PCNX2: variants seen among roughly 807,000 people sequenced by gnomAD.
PCNX2 encodes pecanex-like protein 2.
A neutral mutation model predicts 223.8 loss-of-function variants in PCNX2; 168 were observed. That is an observed-to-expected ratio of 0.75 (90% CI 0.66 to 0.85). PCNX2 has a LOEUF of 0.85. PCNX2 is among the 40% of genes least tolerant of loss of function. PCNX2 has a pLI of 0.00. For synonymous variants in PCNX2, 1,006 were observed against 1,052.6 expected (o/e 0.96, Z 0.86); for missense variants, 2,507 against 2,675.5 (o/e 0.94, Z 1.39).
chr1:233,047,129 C>T (rs2102866436), intron 25 of PCNX2, among the ~76,000 whole-genome samples: 1 of 152,294 alleles, frequency 6.6e-6, no homozygotes, highest in Admixed American at 6.5e-5. Flanking sequence ...GGCTCATCTA[C>T]CTGCTGAATG....
At chr1:233,306,399 A>T in the PCNX2 span, among the ~76,000 whole-genome samples, 1 of 152,214 alleles carries the variant, frequency 6.6e-6, no homozygotes, top group Non-Finnish European at 1.5e-5. Flanking sequence ...GGGCAACAAC[A>T]TGTAGATATC....
intron 9 of PCNX2, among the ~76,000 whole-genome samples, chr1:233,234,908 T>TGG (rs1658294007): frequency 6.6e-6 from 1 of 151,904 alleles, no homozygotes; most frequent in Admixed American, 6.6e-5. Flanking sequence ...GGGGTGGGGC[T>TGG]GGGCAGAGCT....
At chr1:233,162,922 G>A (rs1678577734) in intron 17 of PCNX2, among the ~76,000 whole-genome samples, 4 of 152,148 alleles carry the variant, frequency 2.6e-5, no homozygotes. Flanking sequence ...CTGCTGGAGT[G>A]GGGAGGAAGG....
At chr1:233,308,892 T>G in the PCNX2 span, among the ~76,000 whole-genome samples, 1 of 152,110 alleles carries the variant, frequency 6.6e-6, no homozygotes, top group Non-Finnish European at 1.5e-5. Context: ...ACAAAATATG[T>G]TGGTAATATC....
At chr1:233,043,877 T>C (rs554880316) in intron 25 of PCNX2, among the ~76,000 whole-genome samples, 4,475 of 151,696 alleles carry the variant, frequency 0.029, 213 homozygotes, top group African/African-American at 0.1. Context: ...TATGTGTGCA[T>C]GTGTCTTTAT....
At chr1:233,045,845 G>C (rs1243732278) in intron 25 of PCNX2, among the ~76,000 whole-genome samples, 4 of 152,214 alleles carry the variant, frequency 2.6e-5, no homozygotes, top group Non-Finnish European at 5.9e-5. Context: ...CCAGTGTCTG[G>C]ATTCAACAGC....
the PCNX2 span, among the ~76,000 whole-genome samples, chr1:233,323,403 C>T: frequency 6.6e-6 from 1 of 152,214 alleles, no homozygotes; most frequent in East Asian, 1.9e-4. Flanking sequence ...CTCCTGTATA[C>T]AGGCATGCTT....
chr1:233,024,367 C>T (rs1008435660), intron 26 of PCNX2, among the ~76,000 whole-genome samples: 3 of 152,208 alleles, frequency 2.0e-5, no homozygotes, highest in Admixed American at 6.5e-5. Flanking sequence ...TGAGCTTCCT[C>T]TTTTTGAACA....
intron 19 of PCNX2, among the ~76,000 whole-genome samples, chr1:233,157,648 A>C (rs908019619): frequency 6.6e-6 from 1 of 152,184 alleles, no homozygotes; most frequent in Non-Finnish European, 1.5e-5. Context: ...TTACCTGTAC[A>C]TGTTTTGATG....
At chr1:233,176,466 T>C (rs967085349) in intron 17 of PCNX2, among the ~76,000 whole-genome samples, 5 of 152,136 alleles carry the variant, frequency 3.3e-5, no homozygotes, top group African/African-American at 4.8e-5. Flanking sequence ...GACATCAACT[T>C]TGAAAGAATG....
chr1:233,147,748 T>C lies in PCNX2; in HGVS notation c.3518-7893A>G, dbSNP rs56776408. 3.6e-3 allele frequency among the ~76,000 whole-genome samples: 542 copies of C among 151,936 alleles called. 1 individual carries two copies. The highest frequency in any genetic ancestry group is 0.013 in the African/African-American group (524 of 41,438). On this transcript the variant is annotated intron_variant, in intron 19 of 33. Coordinates refer to ENST00000258229, the MANE Select transcript of PCNX2 (RefSeq NM_014801.4). Reference sequence around the variant, plus strand: ...TCTGCTGTCTGACATTAGAACAGCATTTTGTTGGCAGGCCCTGCATTCTAT... The same window carrying C: ...TCTGCTGTCTGACATTAGAACAGCACTTTGTTGGCAGGCCCTGCATTCTAT...
chr1:233,245,436 T>C (rs1659047966), intron 8 of PCNX2, among the ~76,000 whole-genome samples: 1 of 150,136 alleles, frequency 6.7e-6, no homozygotes, highest in Non-Finnish European at 1.5e-5. Flanking sequence ...CTTGGCAAGG[T>C]GGTTTGGAGG....
intron 23 of PCNX2, among the ~76,000 whole-genome samples, chr1:233,061,113 GAGGA>G (rs1672390568): frequency 6.6e-6 from 1 of 152,158 alleles, no homozygotes; most frequent in African/African-American, 2.4e-5. Flanking sequence ...ATTTTTTGGT[GAGGA>G]AATACTGCTG....
chr1:233,062,706 T>C (rs1335407520), intron 23 of PCNX2, among the ~76,000 whole-genome samples: 1 of 152,234 alleles, frequency 6.6e-6, no homozygotes, highest in Non-Finnish European at 1.5e-5. Context: ...TCCAGGCAGA[T>C]GTATTTGGTC....
chr1:233,002,216 T>C (rs1303645527), intron 28 of PCNX2, among the ~76,000 whole-genome samples: 3 of 152,166 alleles, frequency 2.0e-5, no homozygotes, highest in African/African-American at 7.2e-5. Context: ...TCAGAGAACA[T>C]GCATTTCCCA....
chr1:233,123,914 C>A lies in PCNX2; in HGVS notation c.3837+11099G>T, dbSNP rs185624533. ...ATTCCCACTCAAAGAGAAGTCCTTGCCCTCCATCAGAATACTGGTAATGGA... is the reference window on the plus strand; with the variant it reads ...ATTCCCACTCAAAGAGAAGTCCTTGACCTCCATCAGAATACTGGTAATGGA... On this transcript the variant is annotated intron_variant, in intron 21 of 33. Transcript: ENST00000258229. 2.0e-5 allele frequency among the ~76,000 whole-genome samples: 3 copies of A among 152,218 alleles called. No individual in the cohort carries two copies. The East Asian group carries it at 5.8e-4, about 29-fold the overall frequency.
intron 15 of PCNX2, among the ~76,000 whole-genome samples, chr1:233,183,823 CAT>C (rs955722429): frequency 5.9e-5 from 9 of 152,170 alleles, no homozygotes; most frequent in African/African-American, 2.2e-4. Flanking sequence ...CAGAAGCTCA[CAT>C]GAGTCAAAGG....
chr1:233,152,390 A>G (rs957809384), intron 19 of PCNX2, among the ~76,000 whole-genome samples: 2 of 152,138 alleles, frequency 1.3e-5, no homozygotes, highest in Admixed American at 1.3e-4. Context: ...CAAGTCTCTA[A>G]CTACTTCCTG....
intron 19 of PCNX2, among the ~76,000 whole-genome samples, chr1:233,151,667 A>T (rs1677816072): frequency 6.6e-6 from 1 of 151,440 alleles, no homozygotes; most frequent in South Asian, 2.1e-4. Flanking sequence ...CTGTCTTTCT[A>T]TCTTTTATTT....
Sources: allele counts gnomAD v4.1 joint callset (sites outside exome capture counted in the v4.1 genomes callset), GRCh38; gene constraint gnomAD v4.1.1; transcripts MANE v1.5; gene names NCBI Gene and HGNC (gene_info 2026-07-23, HGNC 2026-07-21).